The following ALDH1L1 variants were observed in gnomAD, a reference collection of about 807,000 sequenced individuals.
ALDH1L1 encodes aldehyde dehydrogenase 1 family member L1.
ALDH1L1 carries 68 observed loss-of-function variants against 101.1 expected under a neutral mutation model. That is an observed-to-expected ratio of 0.67 (90% confidence interval 0.55 to 0.82). The LOEUF is 0.82. Ranked by LOEUF, ALDH1L1 falls within the 40% of genes least tolerant of loss-of-function variation. The pLI, the probability that ALDH1L1 is intolerant of heterozygous loss-of-function variation, is 0.00. For synonymous variants in ALDH1L1, 486 were observed against 470.8 expected (o/e 1.03, Z -0.42); for missense variants, 1,087 against 1,172.7 (o/e 0.93, Z 1.07).
At chr3:126,122,296 T>C (rs1314000516) in intron 16 of ALDH1L1, among the ~76,000 whole-genome samples, 1 of 152,218 alleles carries the variant, frequency 6.6e-6, no homozygotes, top group African/African-American at 2.4e-5. Flanking sequence ...ACAGTATCAA[T>C]GCATATTTTA....
intron 18 of ALDH1L1, among the ~76,000 whole-genome samples, chr3:126,113,754 T>C (rs1256469529): frequency 6.6e-6 from 1 of 152,250 alleles, no homozygotes. Flanking sequence ...TTTGGGGACC[T>C]GGCTGAACAT....
intron 1 of ALDH1L1, among the ~76,000 whole-genome samples, chr3:126,189,810 G>A (rs549910425): frequency 2.0e-5 from 3 of 152,136 alleles, no homozygotes; most frequent in Non-Finnish European, 4.4e-5. Context: ...CTACATAAAG[G>A]TTCAGTCTAT....
chr3:126,105,553 A>T (rs898412044), intron 22 of ALDH1L1, 173 bp downstream of exon 22: 1 of 746,074 alleles, frequency 1.3e-6, no homozygotes, highest in South Asian at 1.5e-5. Context: ...CTCTGCAAGC[A>T]TCTTGCTCAC....
At position 126,122,294 on chromosome 3, in the gene ALDH1L1, A is replaced by C. The variant is rs533757615; in HGVS notation, c.1888+2070T>G. Among the ~76,000 whole-genome samples the C allele has an allele frequency of 1.4e-4, 22 of 152,372 alleles. No individual in the cohort carries two copies. In the South Asian group the frequency reaches 4.6e-3, roughly 32 times the overall value. On this transcript the variant is annotated intron_variant, in intron 16 of 22. Coordinates refer to ENST00000393434, the MANE Select transcript of ALDH1L1 (RefSeq NM_012190.4). ...TTAGGTAATTATAAAATACAGTATC[A>C]ATGCATATTTTATTTGCTTTCTTAA...
At chr3:126,148,675 G>A (rs1306985122) in intron 8 of ALDH1L1, among the ~76,000 whole-genome samples, 1 of 151,432 alleles carries the variant, frequency 6.6e-6, no homozygotes. Context: ...TGGCTCCACA[G>A]CTGAGACCTG....
chr3:126,155,273 C>T, intron 5 of ALDH1L1, 129 bp downstream of exon 5: 1 of 745,292 alleles, frequency 1.3e-6, no homozygotes, highest in Non-Finnish European at 2.1e-6. Flanking sequence ...ACCTGGGCTG[C>T]CCTGTGTTCT....
At chr3:126,148,737 C>T (rs939899807) in intron 8 of ALDH1L1, among the ~76,000 whole-genome samples, 4 of 152,162 alleles carry the variant, frequency 2.6e-5, no homozygotes, top group South Asian at 2.1e-4. Context: ...ATAAACACGC[C>T]GCTCTTCCAG....
At chr3:126,116,332 C>G (rs1215653318) in intron 17 of ALDH1L1, among the ~76,000 whole-genome samples, 2 of 151,640 alleles carry the variant, frequency 1.3e-5, no homozygotes, top group Non-Finnish European at 2.9e-5. Flanking sequence ...GCTTCCGTGT[C>G]CCAGGCTTCT....
In ALDH1L1 at chr3:126,157,391, C is replaced by T; in HGVS notation, c.480G>A (p.Val160=). Residue 160 remains valine (V), a synonymous_variant, in exon 4 of 23, where the codon GTG becomes GTA. Transcript: ENST00000393434. ...AGAGGAAGCGGTTGTACAGCGTGCT[C>T]ACGGTGTCGTCCGGGAGCACCTCAC... The part of the protein sequence containing the change: ...KECEVLPDDT[V]STLYNRFLFP... 2 of 1,614,106 alleles carry T rather than the reference C, an allele frequency of 1.2e-6. No individual in the cohort carries two copies. Among genetic ancestry groups the T allele is most frequent in the East Asian group, 2.2e-5 (1 of 44,874 alleles).
chr3:126,107,010 T>G, intron 21 of ALDH1L1, 131 bp downstream of exon 21: 1 of 769,718 alleles, frequency 1.3e-6, no homozygotes, highest in South Asian at 1.6e-5. Flanking sequence ...ACAAGCGGGG[T>G]GTCCACGGCT....
At chr3:126,121,170 T>G (rs939211754) in intron 16 of ALDH1L1, among the ~76,000 whole-genome samples, 8 of 152,124 alleles carry the variant, frequency 5.3e-5, no homozygotes, top group African/African-American at 1.9e-4. Flanking sequence ...TTCTACAAGC[T>G]AGGAGGAGGC....
At chr3:126,106,555 G>A (rs528112786) in intron 21 of ALDH1L1, among the ~76,000 whole-genome samples, 3 of 152,270 alleles carry the variant, frequency 2.0e-5, no homozygotes, top group South Asian at 4.2e-4. Flanking sequence ...AGGCCGTGGT[G>A]GAAGGGATGC....
chr3:126,146,752 T>C, intron 9 of ALDH1L1, 83 bp downstream of exon 9: 1 of 1,453,162 alleles, frequency 6.9e-7, no homozygotes, highest in South Asian at 1.3e-5. Context: ...TAACAAATGG[T>C]TGTTTCCTGC....
chr3:126,178,695 G>T (rs13060596), intron 1 of ALDH1L1, among the ~76,000 whole-genome samples: 48,395 of 151,892 alleles, frequency 0.32, 8,048 homozygotes, highest in Middle Eastern at 0.45. Flanking sequence ...ACCTGACACT[G>T]TCAAAACACC....
At chr3:126,197,218 G>C (rs183890807) in intron 1 of ALDH1L1, among the ~76,000 whole-genome samples, 15 of 152,244 alleles carry the variant, frequency 9.9e-5, no homozygotes, top group Admixed American at 6.5e-4. Flanking sequence ...CTTTAGTAAC[G>C]TTTCGCTGTT....
chr3:126,135,008 C>T (rs140617485), intron 12 of ALDH1L1: 11 of 152,336 alleles, frequency 7.2e-5, no homozygotes, highest in African/African-American at 2.2e-4. Flanking sequence ...TTGCCTAAGA[C>T]GTCTGAACTG....
intron 1 of ALDH1L1, among the ~76,000 whole-genome samples, chr3:126,162,608 G>A (rs188368322): frequency 1.3e-5 from 2 of 152,118 alleles, no homozygotes; most frequent in East Asian, 3.8e-4. Context: ...TCAGATATGT[G>A]TATGGAAAAT....
intron 12 of ALDH1L1, among the ~76,000 whole-genome samples, chr3:126,131,855 C>G (rs1369426280): frequency 2.0e-5 from 3 of 152,382 alleles, no homozygotes; most frequent in Middle Eastern, 3.4e-3. Flanking sequence ...TTGCTGCAGA[C>G]AGCAAAGGGG....
At chr3:126,141,941 A>G (rs927931797) in intron 9 of ALDH1L1, among the ~76,000 whole-genome samples, 1 of 152,076 alleles carries the variant, frequency 6.6e-6, no homozygotes, top group African/African-American at 2.4e-5. Flanking sequence ...CAACAAAATT[A>G]ACAAACCTTT....
Sources: gnomAD v4.1 joint callset for allele counts (sites outside exome capture counted in the v4.1 genomes callset) on GRCh38, gnomAD v4.1.1 for gene constraint, MANE v1.5 for transcripts, NCBI Gene and HGNC (gene_info 2026-07-23, HGNC 2026-07-21) for gene names.